Variants in NRG1 observed in about 807,000 individuals in gnomAD.
NRG1 encodes the protein pro-neuregulin-1, membrane-bound isoform.
A neutral mutation model predicts 63.8 loss-of-function variants in NRG1; 18 were observed. The observed-to-expected ratio is 0.28, with a 90% confidence interval of 0.19 to 0.42. The LOEUF (loss-of-function observed/expected upper bound fraction) is 0.42. Ranked by LOEUF, NRG1 falls within the 10% of genes least tolerant of loss-of-function variation. The probability of loss-of-function intolerance (pLI) is 1.00; values close to 1 mark genes in which losing one functional copy is unlikely to be tolerated. For missense variants in NRG1, 762 were observed against 814.7 expected, an observed-to-expected ratio of 0.94 and a Z score of 0.79; for synonymous variants, 302 against 301.3, an observed-to-expected ratio of 1.00 and a Z score of -0.02.
chr8:32,423,609 G>A (rs546366384), intron 1 of NRG1, among the ~76,000 whole-genome samples: 2 of 152,078 alleles, frequency 1.3e-5, no homozygotes, highest in Admixed American at 6.6e-5. Context: ...TCATGCCAGT[G>A]CACTCCAGTC....
At chr8:31,666,253 C>T (rs1806528826) in intron 1 of NRG1, among the ~76,000 whole-genome samples, 1 of 152,164 alleles carries the variant, frequency 6.6e-6, no homozygotes, top group African/African-American at 2.4e-5. Flanking sequence ...ATGTGGGAGA[C>T]ACTACCTTCT....
intron 1 of NRG1, among the ~76,000 whole-genome samples, chr8:32,401,071 C>T (rs537740436): frequency 6.6e-6 from 1 of 152,102 alleles, no homozygotes; most frequent in South Asian, 2.1e-4. Flanking sequence ...TATTCTCACT[C>T]ATAAGTGGGA....
chr8:31,926,607 A>G (rs1834378483), intron 1 of NRG1, among the ~76,000 whole-genome samples: 1 of 152,146 alleles, frequency 6.6e-6, no homozygotes, highest in Non-Finnish European at 1.5e-5. Flanking sequence ...ATATCCTCAT[A>G]TGTGCAATGA....
intron 5 of NRG1, among the ~76,000 whole-genome samples, chr8:32,631,980 A>G (rs1563809910): frequency 1.3e-5 from 2 of 152,188 alleles, no homozygotes; most frequent in Non-Finnish European, 2.9e-5. Flanking sequence ...ATAACAAATT[A>G]TTCAATTTGT....
At chr8:32,677,097 TAGAG>T (rs770133005) in intron 5 of NRG1, among the ~76,000 whole-genome samples, 4 of 152,150 alleles carry the variant, frequency 2.6e-5, no homozygotes, top group Admixed American at 1.3e-4. Flanking sequence ...CTCAAGAGTA[TAGAG>T]AGAGACTGAA....
intron 1 of NRG1, among the ~76,000 whole-genome samples, chr8:31,798,039 G>A (rs1821403011): frequency 6.6e-6 from 1 of 152,016 alleles, no homozygotes; most frequent in Non-Finnish European, 1.5e-5. Flanking sequence ...GAGGGGGAGG[G>A]GGAAGAAAGG....
upstream of NRG1, among the ~76,000 whole-genome samples, chr8:32,547,197 T>G (rs1458829870): frequency 1.3e-5 from 2 of 152,214 alleles, no homozygotes; most frequent in Non-Finnish European, 2.9e-5. Flanking sequence ...CCCTGGTCTT[T>G]AACTTTTGTC....
At chr8:32,242,022 G>A (rs1227557201) in intron 1 of NRG1, among the ~76,000 whole-genome samples, 5 of 152,008 alleles carry the variant, frequency 3.3e-5, no homozygotes, top group Admixed American at 2.0e-4. Context: ...TAGAGTGTTG[G>A]GATTACAGGT....
intron 5 of NRG1, among the ~76,000 whole-genome samples, chr8:32,670,975 T>G (rs1303160030): frequency 2.0e-5 from 3 of 152,132 alleles, no homozygotes; most frequent in Non-Finnish European, 4.4e-5. Flanking sequence ...CATCTCACAT[T>G]GAGAGGAGGG....
At chr8:32,533,413 A>G (rs964827271) in intron 1 of NRG1, among the ~76,000 whole-genome samples, 6 of 152,128 alleles carry the variant, frequency 3.9e-5, no homozygotes, top group Non-Finnish European at 8.8e-5. Flanking sequence ...TGCATGGGCA[A>G]CTACTTAAAT....
At position 31,808,404 on chromosome 8, in the gene NRG1, G is replaced by A. The variant is rs998369289; in HGVS notation, c.37+168973G>A. On this transcript the variant is annotated intron_variant, in intron 1 of 10. Transcript: ENST00000519301. ...GTGAGTAACTTTTAAGATAAAACGA[G>A]TTTAACAGATAATTTAGCCCATTCA... Among the ~76,000 whole-genome samples, 8 of 152,064 alleles carry A rather than the reference G, an allele frequency of 5.3e-5. No homozygotes were observed. In the South Asian group the frequency reaches 6.2e-4, roughly 12 times the overall value.
chr8:31,963,582 T>C (rs190992122), intron 1 of NRG1, among the ~76,000 whole-genome samples: 4 of 152,306 alleles, frequency 2.6e-5, no homozygotes, highest in African/African-American at 9.6e-5. Flanking sequence ...TCCACATACG[T>C]GGTGGCTTTC....
chr8:32,002,649 A>T (rs893983602), intron 1 of NRG1, among the ~76,000 whole-genome samples: 4 of 152,056 alleles, frequency 2.6e-5, no homozygotes, highest in Admixed American at 6.6e-5. Flanking sequence ...TTAATTGGGG[A>T]ACAGAACAAA....
intron 1 of NRG1, among the ~76,000 whole-genome samples, chr8:31,975,315 C>T (rs1195265733): frequency 2.6e-5 from 4 of 152,044 alleles, no homozygotes; most frequent in South Asian, 2.1e-4. Flanking sequence ...AGGCTGAGAC[C>T]GCTGGCTGCA....
intron 9 of NRG1, among the ~76,000 whole-genome samples, chr8:32,758,107 C>T (rs1017088416): frequency 1.3e-5 from 2 of 152,300 alleles, no homozygotes; most frequent in African/African-American, 2.4e-5. Flanking sequence ...TTAGAGCCCG[C>T]AGACCGTCAG....
intron 1 of NRG1, among the ~76,000 whole-genome samples, chr8:32,236,241 T>C (rs116891470): frequency 0.019 from 2,827 of 152,160 alleles, 41 homozygotes; most frequent in Non-Finnish European, 0.021. Context: ...CAAGTGTATC[T>C]CTGCCTTTGA....
At chr8:31,922,740 A>G (rs1182857730) in intron 1 of NRG1, among the ~76,000 whole-genome samples, 2 of 152,182 alleles carry the variant, frequency 1.3e-5, no homozygotes, top group African/African-American at 4.8e-5. Flanking sequence ...AAGATTTTGG[A>G]CAATTCACTT....
chr8:32,454,700 G>T (rs377187080), intron 1 of NRG1, among the ~76,000 whole-genome samples: 2 of 150,666 alleles, frequency 1.3e-5, no homozygotes, highest in East Asian at 3.9e-4. Context: ...GCCAGCTAAG[G>T]TTAATTTAGT....
At chr8:32,122,446 T>C (rs1585448502) in intron 1 of NRG1, among the ~76,000 whole-genome samples, 1 of 152,080 alleles carries the variant, frequency 6.6e-6, no homozygotes, top group East Asian at 1.9e-4. Context: ...CTCCCCAATA[T>C]ATTCACATGG....
Sources: allele counts gnomAD v4.1 joint callset (sites outside exome capture counted in the v4.1 genomes callset), GRCh38; gene constraint gnomAD v4.1.1; transcripts MANE v1.5; gene names NCBI Gene and HGNC (gene_info 2026-07-23, HGNC 2026-07-21).